The following HSDL2 variants were observed in gnomAD, a reference collection of about 807,000 sequenced individuals.
HSDL2 encodes hydroxysteroid dehydrogenase-like protein 2.
HSDL2 carries 27 observed loss-of-function variants against 46.3 expected under a neutral mutation model. That is an observed-to-expected ratio of 0.58 (90% CI 0.43 to 0.80). The LOEUF (loss-of-function observed/expected upper bound fraction) is 0.80, where lower values mean the gene tolerates loss of function less well. Among genes scored for constraint, HSDL2 ranks in the 30% least tolerant of loss-of-function variants. The pLI is 0.00. For missense variants in HSDL2, 451 were observed against 502.7 expected (o/e 0.90, Z 0.98); for synonymous variants, 153 against 163.6 (o/e 0.94, Z 0.50).
intron 8 of HSDL2, among the ~76,000 whole-genome samples, chr9:112,444,661 T>G (rs2132678111): frequency 6.6e-6 from 1 of 152,066 alleles, no homozygotes; most frequent in South Asian, 2.1e-4. Flanking sequence ...TCACTTGAGT[T>G]CAGGAGTTTG....
chr9:112,417,366 A>C (rs997443633), intron 5 of HSDL2, among the ~76,000 whole-genome samples: 2 of 151,694 alleles, frequency 1.3e-5, no homozygotes, highest in Middle Eastern at 3.2e-3. Flanking sequence ...AGTCCTAGCT[A>C]CTTGAAAGGC....
chr9:112,408,875 C>A, intron 3 of HSDL2, 32 bp from the exon 4 acceptor site: 1 of 1,192,414 alleles, frequency 8.4e-7, no homozygotes, highest in Non-Finnish European at 1.2e-6. Context: ...AAAAGTCTTT[C>A]ATTAAAATGA....
At chr9:112,408,850 T>A (rs1337217565) in intron 3 of HSDL2, 57 bp from the exon 4 acceptor site, 2 of 932,312 alleles carry the variant, frequency 2.1e-6, no homozygotes, top group Non-Finnish European at 3.4e-6. Flanking sequence ...GTAAACGCTT[T>A]TTTTGTGTGT....
chr9:112,461,854 A>T (rs1833218574), intron 10 of HSDL2, among the ~76,000 whole-genome samples: 1 of 152,224 alleles, frequency 6.6e-6, no homozygotes, highest in African/African-American at 2.4e-5. Flanking sequence ...CATTTCACTT[A>T]TGTAGCATAC....
intron 1 of HSDL2, among the ~76,000 whole-genome samples, chr9:112,393,657 C>A (rs771894222): frequency 5.3e-5 from 8 of 152,310 alleles, no homozygotes; most frequent in South Asian, 2.1e-4. Flanking sequence ...TCTCTTAGAT[C>A]TTTTGAGAAT....
chr9:112,449,867 G>C (rs1416409637), intron 8 of HSDL2, among the ~76,000 whole-genome samples: 2 of 151,804 alleles, frequency 1.3e-5, no homozygotes, highest in African/African-American at 4.8e-5. Context: ...GAAGTGTCTA[G>C]TGATTTTTAG....
Position 112,472,131 on chromosome 9 carries a change from G to C in HSDL2, c.*1587G>C, listed in dbSNP as rs1587978216. 6.6e-6 allele frequency: 1 copy of C among 152,200 alleles called. No homozygotes were observed. The highest frequency in any genetic ancestry group is 2.4e-5 in the African/African-American group (1 of 41,460). The allele number at this position is 152,200 out of a possible 1,614,324, so 9.4% of individuals were successfully genotyped here. On this transcript the variant is annotated 3_prime_UTR_variant, in exon 11 of 11. Transcript: ENST00000398805. ...ATAGGACAGTTTCAACAAGTCAGGAGATTCACAGCAACTGATCAAAGGGAG... is the reference window on the plus strand; with the variant it reads ...ATAGGACAGTTTCAACAAGTCAGGACATTCACAGCAACTGATCAAAGGGAG...
At chr9:112,462,948 T>C (rs1287475841) in intron 10 of HSDL2, among the ~76,000 whole-genome samples, 1 of 152,226 alleles carries the variant, frequency 6.6e-6, no homozygotes, top group Non-Finnish European at 1.5e-5. Flanking sequence ...AAACAGTATA[T>C]AGTCTTTTGC....
chr9:112,429,895 C>T (rs1192507444), intron 6 of HSDL2, among the ~76,000 whole-genome samples: 2 of 152,030 alleles, frequency 1.3e-5, no homozygotes, highest in Non-Finnish European at 2.9e-5. Context: ...AGTTCGAGAC[C>T]AGCCTGAGCA....
chr9:112,391,955 T>C (rs528881653), intron 1 of HSDL2, among the ~76,000 whole-genome samples: 8 of 151,198 alleles, frequency 5.3e-5, no homozygotes, highest in South Asian at 2.1e-4. Context: ...AAAGAAGGTA[T>C]TGGGGGAACC....
In HSDL2 at chr9:112,405,646, CTTGCCATGTATTG is replaced by C; in HGVS notation, c.208_220del (p.Pro70MetfsTer2). 1 of 1,612,344 alleles carries C rather than the reference CTTGCCATGTATTG, an allele frequency of 6.2e-7. No individual in the cohort carries two copies. Among genetic ancestry groups the C allele is most frequent in the East Asian group, 2.2e-5 (1 of 44,806 alleles). Reference sequence around the variant, plus strand: ...AAGTTGAAGCAGTTGGAGGAAAGGCCTTGCCATGTATTGTTGATGTGAGAGATGAACAGCAGAT... The same window carrying C: ...AAGTTGAAGCAGTTGGAGGAAAGGCCTTGATGTGAGAGATGAACAGCAGAT... On this transcript the variant is annotated frameshift_variant, in exon 3 of 11. Coordinates refer to ENST00000398805, the MANE Select transcript of HSDL2 (RefSeq NM_032303.5). LOFTEE classifies it high-confidence loss of function.
chr9:112,426,171 C>T (rs908899992), intron 6 of HSDL2, among the ~76,000 whole-genome samples: 4 of 151,692 alleles, frequency 2.6e-5, no homozygotes, highest in African/African-American at 9.7e-5. Context: ...AGTCCGTGGG[C>T]TGGCAGTTTG....
intron 1 of HSDL2, among the ~76,000 whole-genome samples, chr9:112,388,112 T>G (rs1831255744): frequency 6.6e-6 from 1 of 150,520 alleles, no homozygotes; most frequent in Non-Finnish European, 1.5e-5. Context: ...TGAGCTGTGA[T>G]TGCACCACTG....
intron 4 of HSDL2, among the ~76,000 whole-genome samples, chr9:112,410,788 A>T (rs1462836043): frequency 6.6e-6 from 1 of 152,128 alleles, no homozygotes; most frequent in Non-Finnish European, 1.5e-5. Context: ...TTAGCTGGGG[A>T]TGGTGGCACA....
In HSDL2 at chr9:112,438,412, G is replaced by A. The variant is rs764400288; in HGVS notation, c.599-19G>A. On this transcript the variant is annotated intron_variant, in intron 6 of 10. Coordinates refer to ENST00000398805, the MANE Select transcript of HSDL2 (RefSeq NM_032303.5). ...GATTTGGAGTTATGAGTGTATGTGT[G>A]TGTGTGTTTTCTCTACAGCCATACA... is the stretch of plus-strand genomic sequence containing the variant. The A allele has an allele frequency of 3.3e-6, 5 of 1,518,262 alleles. No individual in the cohort carries two copies. In the South Asian group the frequency reaches 6.5e-5, roughly 20 times the overall value. 94.0% of individuals were successfully genotyped at this position (1,518,262 alleles called of 1,614,324 possible). A position where few individuals can be genotyped will look rare whatever the true frequency, so the allele number is the denominator to read the frequency against.
In HSDL2 at chr9:112,404,235, T is replaced by C. The variant is rs371530004; in HGVS notation, c.181+77T>C. 1.1e-5 allele frequency: 16 copies of C among 1,395,664 alleles called. No individual in the cohort carries two copies. In the African/African-American group the frequency reaches 1.6e-4, roughly 14 times the overall value. 86.5% of individuals were successfully genotyped at this position (1,395,664 alleles called of 1,614,324 possible). A position where few individuals can be genotyped will look rare whatever the true frequency, so the allele number is the denominator to read the frequency against. ...ATAGAGAATTTGCTGGAGAGTTTAG[T>C]TAAAGCTATTTGAAAGCTACCCTGA... On this transcript the variant is annotated intron_variant, in intron 2 of 10. Transcript: ENST00000398805.
intron 7 of HSDL2, among the ~76,000 whole-genome samples, chr9:112,439,105 A>G (rs1832589643): frequency 1.3e-5 from 2 of 152,170 alleles, no homozygotes; most frequent in Admixed American, 1.3e-4. Flanking sequence ...GGCTCAAGCA[A>G]TCCTTCCACC....
intron 6 of HSDL2, among the ~76,000 whole-genome samples, chr9:112,432,357 G>C (rs535193050): frequency 6.6e-6 from 1 of 152,166 alleles, no homozygotes; most frequent in African/African-American, 2.4e-5. Flanking sequence ...TGGTTGTTCA[G>C]TGTCTTCTTT....
At chr9:112,441,844 G>A in intron 8 of HSDL2, 74 bp downstream of exon 8, 1 of 972,618 alleles carries the variant, frequency 1.0e-6, no homozygotes, top group South Asian at 1.4e-5. Flanking sequence ...ATATGGAATT[G>A]ATCCTATAAC....
Sources: allele counts gnomAD v4.1 joint callset (sites outside exome capture counted in the v4.1 genomes callset), GRCh38; gene constraint gnomAD v4.1.1; transcripts MANE v1.5; gene names NCBI Gene and HGNC (gene_info 2026-07-23, HGNC 2026-07-21).